Variants in CHD9NB observed in about 807,000 individuals in gnomAD.
The protein encoded by CHD9NB is CHD9 neighbor protein.
chr16:53,044,154 C>T, the CHD9NB span: 1 of 398,712 alleles, frequency 2.5e-6, no homozygotes, highest in Admixed American at 4.4e-5. Context: ...GGAGTGGCAC[C>T]CCATCTCAGA....
chr16:53,037,022 G>A, the CHD9NB span, among the ~76,000 whole-genome samples: 1 of 151,958 alleles, frequency 6.6e-6, no homozygotes, highest in Non-Finnish European at 1.5e-5. Flanking sequence ...TGCAACCTCT[G>A]CCTCCTGTGT....
the CHD9NB span, among the ~76,000 whole-genome samples, chr16:53,045,653 G>A: frequency 6.6e-6 from 1 of 152,194 alleles, no homozygotes; most frequent in Non-Finnish European, 1.5e-5. Flanking sequence ...GCAGTCAAAG[G>A]TGACATTGAC....
the CHD9NB span, among the ~76,000 whole-genome samples, chr16:53,050,426 T>C: frequency 6.6e-6 from 1 of 152,174 alleles, no homozygotes; most frequent in Non-Finnish European, 1.5e-5. Flanking sequence ...CAGAATCACT[T>C]GAGCCTGGGA....
the CHD9NB span, among the ~76,000 whole-genome samples, chr16:53,050,932 G>GGCTGGAGT: frequency 6.6e-6 from 1 of 150,378 alleles, no homozygotes; most frequent in East Asian, 2.0e-4. Context: ...CTGTCTCCCA[G>GGCTGGAGT]GCTGGAGTGC....
the CHD9NB span, chr16:53,052,892 A>C: frequency 5.7e-6 from 1 of 174,542 alleles, no homozygotes; most frequent in Non-Finnish European, 1.2e-5. Context: ...CACAGATGAC[A>C]CCTCCTCCTC....
chr16:53,051,763 GTATAAATATATA>G, the CHD9NB span, among the ~76,000 whole-genome samples: 32 of 87,174 alleles, frequency 3.7e-4, no homozygotes, highest in African/African-American at 1.7e-3. Flanking sequence ...CAACTTAAAA[GTATAAATATATA>G]TATATATATA....
chr16:53,040,005 C>T, the CHD9NB span, among the ~76,000 whole-genome samples: 1 of 152,130 alleles, frequency 6.6e-6, no homozygotes, highest in African/African-American at 2.4e-5. Context: ...GAAAGACACC[C>T]CACTGCGCCC....
chr16:53,051,768 A>AAAATATATATATAT, the CHD9NB span, among the ~76,000 whole-genome samples: 1 of 104,644 alleles, frequency 9.6e-6, no homozygotes, highest in African/African-American at 5.2e-5. Flanking sequence ...TAAAAGTATA[A>AAAATATATATATAT]ATATATATAT....
chr16:53,048,508 A>C, the CHD9NB span, among the ~76,000 whole-genome samples: 3 of 152,202 alleles, frequency 2.0e-5, no homozygotes, highest in East Asian at 5.8e-4. Flanking sequence ...AGGGGGGCTT[A>C]TTTGCCATCT....
the CHD9NB span, among the ~76,000 whole-genome samples, chr16:53,040,236 A>T: frequency 2.5e-4 from 37 of 146,972 alleles, no homozygotes; most frequent in Non-Finnish European, 2.7e-4. Context: ...CACCCAGGTA[A>T]TTTTTTTTTT....
chr16:53,040,385 T>A, the CHD9NB span, among the ~76,000 whole-genome samples: 28 of 152,254 alleles, frequency 1.8e-4, no homozygotes, highest in Admixed American at 5.9e-4. Flanking sequence ...CTGATTTGAT[T>A]TTTTACTTGT....
At chr16:53,044,367 G>A in the CHD9NB span, 20 of 388,772 alleles carry the variant, frequency 5.1e-5, no homozygotes, top group Middle Eastern at 6.4e-4. Context: ...CTGCCCTTCC[G>A]GCTAACCTGG....
At chr16:53,052,253 A>T in the CHD9NB span, among the ~76,000 whole-genome samples, 1 of 151,798 alleles carries the variant, frequency 6.6e-6, no homozygotes, top group Non-Finnish European at 1.5e-5. Context: ...ATTAAAATTT[A>T]AAAATTAGCC....
chr16:53,036,533 C>T, the CHD9NB span, among the ~76,000 whole-genome samples: 1 of 152,168 alleles, frequency 6.6e-6, no homozygotes. Flanking sequence ...AATGCAGGCA[C>T]CTTATCTACT....
the CHD9NB span, among the ~76,000 whole-genome samples, chr16:53,052,583 T>C: frequency 6.6e-6 from 1 of 152,204 alleles, no homozygotes; most frequent in Non-Finnish European, 1.5e-5. Flanking sequence ...CTAGGAAGAC[T>C]TAATCTCATC....
the CHD9NB span, among the ~76,000 whole-genome samples, chr16:53,037,208 A>G: frequency 4.5e-4 from 68 of 152,208 alleles, 1 homozygote; most frequent in Non-Finnish European, 4.4e-5. Flanking sequence ...TGCTGGGATT[A>G]CAGGCGTGAG....
the CHD9NB span, among the ~76,000 whole-genome samples, chr16:53,049,866 A>G: frequency 2.6e-5 from 4 of 152,226 alleles, no homozygotes; most frequent in South Asian, 8.3e-4. Flanking sequence ...GTTGCTTAAC[A>G]TTTTTGACTC....
the CHD9NB span, among the ~76,000 whole-genome samples, chr16:53,038,498 G>A: frequency 4.7e-5 from 7 of 149,462 alleles, no homozygotes; most frequent in East Asian, 2.0e-4. Context: ...TTACAGGCAC[G>A]TGCCACCACA....
the CHD9NB span, among the ~76,000 whole-genome samples, chr16:53,044,829 G>T: frequency 6.0e-4 from 91 of 152,362 alleles, no homozygotes; most frequent in Non-Finnish European, 1.1e-3. Flanking sequence ...GAGGCACAGG[G>T]AGGTTGAGTA....
Sources: allele counts gnomAD v4.1 joint callset (sites outside exome capture counted in the v4.1 genomes callset), GRCh38; gene constraint gnomAD v4.1.1; transcripts MANE v1.5; gene names NCBI Gene and HGNC (gene_info 2026-07-23, HGNC 2026-07-21).